Variants in MVB12B observed in about 807,000 individuals in gnomAD.
MVB12B encodes the protein ESCRT-I complex subunit MVB12B.
A neutral mutation model predicts 41.6 loss-of-function variants in MVB12B; 16 were observed. The ratio of observed to expected loss-of-function variants is 0.38; its 90% CI spans 0.26 to 0.58. The LOEUF (loss-of-function observed/expected upper bound fraction) is 0.58, where lower values mean the gene tolerates loss of function less well. MVB12B is among the 20% of genes least tolerant of loss of function. MVB12B has a pLI of 0.62. For missense variants in MVB12B, 274 were observed against 380.2 expected (o/e 0.72, Z 2.32); for synonymous variants, 133 against 139.7 (o/e 0.95, Z 0.34).
chr9:126,433,165 C>A (rs927195438), intron 7 of MVB12B, among the ~76,000 whole-genome samples: 1 of 152,002 alleles, frequency 6.6e-6, no homozygotes. Flanking sequence ...ATGGGGGTGA[C>A]GGTGACTTAT....
In MVB12B at chr9:126,401,896, G is replaced by A. The variant is rs576823417; in HGVS notation, c.662+6199G>A. On this transcript the variant is annotated intron_variant, in intron 6 of 9. Transcript: ENST00000361171. ...CCACACTGACAGCCTCAAATCCTTC[G>A]GCTGCCTTCTGTCCGTTTTCAATTG... is the stretch of plus-strand genomic sequence containing the variant. 2.6e-5 allele frequency among the ~76,000 whole-genome samples: 4 copies of A among 152,288 alleles called. No individual in the cohort carries two copies. The South Asian group carries it at 6.2e-4, about 24-fold the overall frequency.
chr9:126,405,015 C>T (rs1207652971), intron 6 of MVB12B, among the ~76,000 whole-genome samples: 1 of 152,164 alleles, frequency 6.6e-6, no homozygotes, highest in Non-Finnish European at 1.5e-5. Flanking sequence ...GAGCAATACA[C>T]TTTTTGATAT....
intron 7 of MVB12B, among the ~76,000 whole-genome samples, chr9:126,469,912 C>T (rs755470115): frequency 6.6e-6 from 1 of 152,068 alleles, no homozygotes; most frequent in African/African-American, 2.4e-5. Context: ...ATATTTATAA[C>T]GTTAAAAAAA....
At chr9:126,368,405 C>T (rs914838143) in intron 2 of MVB12B, among the ~76,000 whole-genome samples, 2 of 152,224 alleles carry the variant, frequency 1.3e-5, no homozygotes, top group African/African-American at 4.8e-5. Flanking sequence ...GGCTTTGGAG[C>T]CTGCCCTGCT....
At chr9:126,399,553 C>T (rs973982401) in intron 6 of MVB12B, among the ~76,000 whole-genome samples, 1 of 152,162 alleles carries the variant, frequency 6.6e-6, no homozygotes, top group African/African-American at 2.4e-5. Flanking sequence ...CAGAGCAGCC[C>T]CTCCACCGTC....
At chr9:126,484,114 T>A in intron 9 of MVB12B, 82 bp downstream of exon 9, 1 of 1,341,524 alleles carries the variant, frequency 7.5e-7, no homozygotes, top group South Asian at 1.2e-5. Context: ...CCCCTAGGGA[T>A]CCACTCCAAG....
intron 5 of MVB12B, among the ~76,000 whole-genome samples, chr9:126,394,117 A>C (rs1364265087): frequency 6.6e-6 from 1 of 152,160 alleles, no homozygotes; most frequent in Non-Finnish European, 1.5e-5. Context: ...CTTCCTACAC[A>C]CTCAAAAATC....
rs201653778 is a variant in MVB12B at position 126,405,866 on chromosome 9, TATC to T, written c.662+10175_662+10177del. 4.8e-3 allele frequency among the ~76,000 whole-genome samples: 716 copies of T among 149,232 alleles called. 13 individuals carry two copies. The highest frequency in any genetic ancestry group is 0.017 in the African/African-American group (684 of 41,008). On this transcript the variant is annotated intron_variant, in intron 6 of 9. Coordinates refer to ENST00000361171, the MANE Select transcript of MVB12B (RefSeq NM_033446.3). ...TTATTAGAATAAATACAATTATTAT[TATC>T]ATCATTATTATTTCAGCTGTAATTT...
chr9:126,400,560 G>A (rs1831239811), intron 6 of MVB12B, among the ~76,000 whole-genome samples: 1 of 152,186 alleles, frequency 6.6e-6, no homozygotes, highest in Admixed American at 6.5e-5. Flanking sequence ...GCAGAACTAC[G>A]TGTTAGGGTC....
Position 126,497,397 on chromosome 9 carries a change from G to A in MVB12B, c.874-5780G>A, listed in dbSNP as rs58511446. On this transcript the variant is annotated intron_variant, in intron 9 of 9. Coordinates refer to ENST00000361171, the MANE Select transcript of MVB12B (RefSeq NM_033446.3). The stretch of plus-strand genomic sequence containing the variant: ...AGCCCTCACCCACCCCTCTGCCCAC[G>A]CCCCGCAGTGTGGTCATTGAAGGCC... Among the ~76,000 whole-genome samples the A allele has an allele frequency of 2.2e-3, 342 of 152,122 alleles. 9 individuals are homozygous for A. The East Asian group carries it at 0.047, about 21-fold the overall frequency.
At chr9:126,487,778 A>AT (rs1564348836) in intron 9 of MVB12B, among the ~76,000 whole-genome samples, 2 of 152,058 alleles carry the variant, frequency 1.3e-5, no homozygotes, top group East Asian at 1.9e-4. Flanking sequence ...AAAAAAAAAA[A>AT]AAAAATAACA....
chr9:126,359,631 T>C (rs1338908796), intron 2 of MVB12B, among the ~76,000 whole-genome samples: 2 of 152,230 alleles, frequency 1.3e-5, no homozygotes, highest in Non-Finnish European at 2.9e-5. Context: ...TTGTGTCTGC[T>C]AAGGAATTTT....
chr9:126,474,544 GA>G (rs1405101978), intron 7 of MVB12B, among the ~76,000 whole-genome samples: 1 of 152,186 alleles, frequency 6.6e-6, no homozygotes, highest in African/African-American at 2.4e-5. Flanking sequence ...CAGTCCCACA[GA>G]TCAGCTTTCT....
At chr9:126,494,209 G>T (rs375494530) in intron 9 of MVB12B, among the ~76,000 whole-genome samples, 1 of 152,028 alleles carries the variant, frequency 6.6e-6, no homozygotes, top group East Asian at 1.9e-4. Context: ...CCATTGAGAT[G>T]ATCATATTTT....
chr9:126,499,785 A>G (rs1833914368), intron 9 of MVB12B, among the ~76,000 whole-genome samples: 1 of 152,076 alleles, frequency 6.6e-6, no homozygotes, highest in South Asian at 2.1e-4. Context: ...CGAGGGAGAG[A>G]GGGTGGGGGC....
chr9:126,442,365 G>C (rs568393862), intron 7 of MVB12B, among the ~76,000 whole-genome samples: 2 of 152,294 alleles, frequency 1.3e-5, no homozygotes, highest in East Asian at 1.9e-4. Context: ...TGGTGGGGTG[G>C]ATTTTAGAGT....
At chr9:126,475,900 G>A (rs919952301) in intron 7 of MVB12B, among the ~76,000 whole-genome samples, 3 of 152,208 alleles carry the variant, frequency 2.0e-5, no homozygotes, top group Admixed American at 2.0e-4. Context: ...AACATAGGGA[G>A]CATCTGACTA....
In MVB12B at chr9:126,395,955, G is replaced by C. The variant is rs1831101988; in HGVS notation, c.662+258G>C. ...ATTGCAGATTATGCAACTTAAAATT[G>C]GCTCCCTATTCAAAAGAGCTGCTAG... On this transcript the variant is annotated intron_variant, in intron 6 of 9. Transcript: ENST00000361171. This position sits in a 1 kb window ranked among gnomAD's most constrained non-coding sequence, Gnocchi z 4.9. 1 of 1,292,016 alleles carries C rather than the reference G, an allele frequency of 7.7e-7. No homozygotes were observed. The highest frequency in any genetic ancestry group is 9.8e-7 in the Non-Finnish European group (1 of 1,017,974). The allele number at this position is 1,292,016 out of a possible 1,614,324, so 80.0% of individuals were successfully genotyped here. A position where few individuals can be genotyped will look rare whatever the true frequency, so the allele number is the denominator to read the frequency against.
chr9:126,364,677 C>T (rs1042655963), intron 2 of MVB12B, among the ~76,000 whole-genome samples: 1 of 152,216 alleles, frequency 6.6e-6, no homozygotes, highest in Non-Finnish European at 1.5e-5. Context: ...GGAATTGTGT[C>T]TTAGGTTTGG....
Sources: allele counts gnomAD v4.1 joint callset (sites outside exome capture counted in the v4.1 genomes callset), GRCh38; gene constraint gnomAD v4.1.1; non-coding constraint Gnocchi (gnomAD v3.1); transcripts MANE v1.5; gene names NCBI Gene and HGNC (gene_info 2026-07-23, HGNC 2026-07-21).